The following TMC6 variants were observed in gnomAD, a reference collection of about 807,000 sequenced individuals.
The protein encoded by TMC6 is transmembrane channel like 6, also known as transmembrane channel-like protein 6.
TMC6 carries 71 observed loss-of-function variants against 95.4 expected under a neutral mutation model. The observed-to-expected ratio is 0.74, with a 90% CI of 0.61 to 0.91. TMC6 has a LOEUF of 0.91. TMC6 is among the 40% of genes least tolerant of loss of function. The pLI is 0.00. For missense variants in TMC6, 1,074 were observed against 1,079.1 expected, an observed-to-expected ratio of 1.00 and a Z score of 0.07; for synonymous variants, 514 against 483.1, an observed-to-expected ratio of 1.06 and a Z score of -0.84.
rs1338679205 is a variant in TMC6, at chr17:78,128,179, C to T, written c.-75+433G>A. Among the ~76,000 whole-genome samples, 1 of 152,150 alleles carries T rather than the reference C, an allele frequency of 6.6e-6. No individual in the cohort carries two copies. Among genetic ancestry groups the T allele is most frequent in the African/African-American group, 2.4e-5 (1 of 41,428 alleles). ...GCTGGGTGGCGCCCGTTTCCAGGAA[C>T]CCCCACCCCAGCCGGCAGCGAGCTT... is the stretch of plus-strand genomic sequence containing the variant. On this transcript the variant is annotated intron_variant, in intron 1 of 19. Transcript: ENST00000590602. This position sits in a 1 kb window ranked among gnomAD's most constrained non-coding sequence, Gnocchi z 4.0.
At position 78,108,378 on chromosome 17, in the gene TMC6, G is replaced by T. The variant is rs2073746225; in HGVS notation, c.*4770C>A. 1 of 154,872 alleles carries T rather than the reference G, an allele frequency of 6.5e-6. No individual in the cohort carries two copies. The highest frequency in any genetic ancestry group is 2.0e-4 in the South Asian group (1 of 4,932). 9.6% of individuals were successfully genotyped at this position (154,872 alleles called of 1,614,324 possible). On this transcript the variant is annotated 3_prime_UTR_variant, in exon 20 of 20. Coordinates refer to ENST00000590602, the MANE Select transcript of TMC6 (RefSeq NM_001127198.5). Reference sequence around the variant, plus strand: ...AATTAAAGACCAGAAAAAGAAGGAAGCTGGGAATGAAACTCAAAATGCACT... The same window carrying T: ...AATTAAAGACCAGAAAAAGAAGGAATCTGGGAATGAAACTCAAAATGCACT...
Position 78,122,197 on chromosome 17 carries a change from G to A in TMC6, c.1227+408C>T, listed in dbSNP as rs529484527. Among the ~76,000 whole-genome samples the A allele has an allele frequency of 2.0e-5, 3 of 152,240 alleles. No homozygotes were observed. The highest frequency in any genetic ancestry group is 2.0e-4 in the Admixed American group (3 of 15,302). ...TCCTGGCCCCGCAACCTCTACGAGGGCCTCGGCCTCTATGCCTCAGTCTCC... is the reference window on the plus strand; with the variant it reads ...TCCTGGCCCCGCAACCTCTACGAGGACCTCGGCCTCTATGCCTCAGTCTCC... On this transcript the variant is annotated intron_variant, in intron 10 of 19. Coordinates refer to ENST00000590602, the MANE Select transcript of TMC6 (RefSeq NM_001127198.5). This position sits in a 1 kb window ranked among gnomAD's most constrained non-coding sequence, Gnocchi z 4.9.
chr17:78,119,001 G>A lies in TMC6; in HGVS notation c.1857C>T (p.Ile619=), dbSNP rs1567988625. 2 of 1,605,728 alleles carry A rather than the reference G, an allele frequency of 1.2e-6. No individual in the cohort carries two copies. Among genetic ancestry groups the A allele is most frequent in the Non-Finnish European group, 8.5e-7 (1 of 1,176,454 alleles). The change falls in exon 15 of 20, where the codon ATC becomes ATT. Residue 619 remains isoleucine (I), a synonymous_variant. Transcript: ENST00000590602. ...FSPLLPAVQI[I]KLLLVFYVKK... Reference sequence around the variant, plus strand: ...TGACATAGAAGACGAGCAGCAGCTTGATGATCTGCACGGCGGGGAGGAGGG... The same window carrying A: ...TGACATAGAAGACGAGCAGCAGCTTAATGATCTGCACGGCGGGGAGGAGGG...
rs2073785423 is a variant in TMC6, at chr17:78,109,645, A to G, written c.*3503T>C. ...CCCCATCTCAAAAAAGCAGAAGCAC[A>G]TTTCCGAAGCCCCCCAAGCCCACGG... On this transcript the variant is annotated 3_prime_UTR_variant, in exon 20 of 20. Coordinates refer to ENST00000590602, the MANE Select transcript of TMC6 (RefSeq NM_001127198.5). 1 of 437,310 alleles carries G rather than the reference A, an allele frequency of 2.3e-6. No individual in the cohort carries two copies. The highest frequency in any genetic ancestry group is 4.6e-6 in the Non-Finnish European group (1 of 216,610). 27.1% of individuals were successfully genotyped at this position (437,310 alleles called of 1,614,324 possible).
rs370443724 is a variant in TMC6 at position 78,124,150 on chromosome 17, G to A, written c.921C>T (p.Tyr307=). The change falls in exon 9 of 20, where the codon TAC becomes TAT. Residue 307 remains tyrosine, a synonymous_variant. Coordinates refer to ENST00000590602, the MANE Select transcript of TMC6 (RefSeq NM_001127198.5). The part of the protein sequence containing the change: ...AGCFTHTVMY[Y]GHYSNATLNQ... ...TCAGCGTGGCGTTACTGTAGTGGCC[G>A]TAGTACATGACGGTGTGGGTGAAGC... 4.0e-5 allele frequency: 65 copies of A among 1,612,328 alleles called. No individual in the cohort carries two copies. Among genetic ancestry groups the A allele is most frequent in the African/African-American group, 1.1e-4 (8 of 75,008 alleles).
rs2073857627 is a variant in TMC6, at chr17:78,112,730, TG to T, written c.*417del. On this transcript the variant is annotated 3_prime_UTR_variant, in exon 20 of 20. Transcript: ENST00000590602. ...GCCCCTCCTGGGCGCGAGTTCAGGC[TG>T]GTCAAAGGCAGCAAGCGAATCAAGC... The T allele has an allele frequency of 3.8e-6, 1 of 264,174 alleles. No individual in the cohort carries two copies. The highest frequency in any genetic ancestry group is 5.0e-5 in the Admixed American group (1 of 19,990). 16.4% of individuals were successfully genotyped at this position (264,174 alleles called of 1,614,324 possible).
rs757202985 is a variant in TMC6, at chr17:78,125,268, G to A, written c.431-5C>T. ...TCACCAGGAGGCTCTGCTTCTCTGC[G>A]AGAGGGAGAGGGAGGTCCTGCCCAT... On this transcript the variant is annotated splice_region_variant and splice_polypyrimidine_tract_variant and intron_variant, in intron 5 of 19. Transcript: ENST00000590602. 64 of 1,558,256 alleles carry A rather than the reference G, an allele frequency of 4.1e-5. No homozygotes were observed. The highest frequency in any genetic ancestry group is 1.7e-4 in the East Asian group (7 of 41,884).
chr17:78,113,157 C>T lies in TMC6; in HGVS notation c.2409G>A (p.Gln803=). The T allele has an allele frequency of 6.4e-7, 1 of 1,555,718 alleles. No homozygotes were observed. Among genetic ancestry groups the T allele is most frequent in the Non-Finnish European group, 8.7e-7 (1 of 1,149,030 alleles). ...GCCCATCGCCGTCCCCCTAGGCATC[C>T]TGTTCATCTGTGAGCAGGGCAGGGG... ...AAPPALLTDE[Q]DA The change falls in exon 20 of 20, where the codon CAG becomes CAA. Residue 803 remains glutamine (Q), a synonymous_variant. Transcript: ENST00000590602.
rs968942596 is a variant in TMC6 at position 78,109,364 on chromosome 17, A to G, written c.*3784T>C. The G allele has an allele frequency of 2.3e-6, 1 of 441,386 alleles. No individual in the cohort carries two copies. Among genetic ancestry groups the G allele is most frequent in the Non-Finnish European group, 4.6e-6 (1 of 218,930 alleles). The allele number at this position is 441,386 out of a possible 1,614,324, so 27.3% of individuals were successfully genotyped here. A position where few individuals can be genotyped will look rare whatever the true frequency, so the allele number is the denominator to read the frequency against. ...GTCTACGGATGGACCAAGAAAACCT[A>G]CGCAGGATCCACGTGGAAACAAAGC... On this transcript the variant is annotated 3_prime_UTR_variant, in exon 20 of 20. Transcript: ENST00000590602.
In TMC6 at chr17:78,124,645, G is replaced by A. The variant is rs747372233; in HGVS notation, c.770C>T (p.Ala257Val). 6.2e-6 allele frequency: 10 copies of A among 1,611,846 alleles called. No homozygotes were observed. The highest frequency in any genetic ancestry group is 7.6e-6 in the Non-Finnish European group (9 of 1,179,562). ...SYFLFLKTLL[A>V]FNALLLLLLV... Reference sequence around the variant, plus strand: ...CAGCAGCAGCAGGAGGGCATTGAAAGCCAGCAGGGTCTTGAGAAAGAGGAA... The same window carrying A: ...CAGCAGCAGCAGGAGGGCATTGAAAACCAGCAGGGTCTTGAGAAAGAGGAA... The change falls in exon 8 of 20, where the codon GCT becomes GTT. Residue 257 changes from alanine to valine, a missense_variant. Coordinates refer to ENST00000590602, the MANE Select transcript of TMC6 (RefSeq NM_001127198.5).
rs1044717533 is a variant in TMC6 at position 78,121,914 on chromosome 17, C to T, written c.1228-203G>A. ...CGCAGAGAGGACCCAGTCCCCCTGC[C>T]GAGAGGCCCCTGTGCCTGGGCTGGC... On this transcript the variant is annotated intron_variant, in intron 10 of 19. Transcript: ENST00000590602. The surrounding 1 kb of genome is among the most constrained non-coding windows in gnomAD (Gnocchi z 5.6). Among the ~76,000 whole-genome samples, 6 of 152,136 alleles carry T rather than the reference C, an allele frequency of 3.9e-5. No homozygotes were observed. The highest frequency in any genetic ancestry group is 9.7e-5 in the African/African-American group (4 of 41,432).
chr17:78,113,230 A>G lies in TMC6; in HGVS notation c.2355-19T>C. On this transcript the variant is annotated intron_variant, in intron 19 of 19. Coordinates refer to ENST00000590602, the MANE Select transcript of TMC6 (RefSeq NM_001127198.5). The stretch of plus-strand genomic sequence containing the variant: ...CCCAACCCTGCCAGAAAGAGACATC[A>G]CTGAGGGGACCCCATAAACATCAAC... 1 of 1,549,734 alleles carries G rather than the reference A, an allele frequency of 6.5e-7. No homozygotes were observed. The highest frequency in any genetic ancestry group is 8.7e-7 in the Non-Finnish European group (1 of 1,145,542).
chr17:78,117,938 G>A lies in TMC6; in HGVS notation c.1888-3C>T. 1 of 1,597,878 alleles carries A rather than the reference G, an allele frequency of 6.3e-7. No individual in the cohort carries two copies. Among genetic ancestry groups the A allele is most frequent in the Non-Finnish European group, 8.5e-7 (1 of 1,172,968 alleles). The stretch of plus-strand genomic sequence containing the variant: ...TGGCAGTTGGCCAGAAGGCTGGTCT[G>A]TGGGGAAAGGCTGCGCTCTGCCACC... On this transcript the variant is annotated splice_polypyrimidine_tract_variant and splice_region_variant and intron_variant, in intron 15 of 19. Coordinates refer to ENST00000590602, the MANE Select transcript of TMC6 (RefSeq NM_001127198.5).
At chr17:78,131,620 G>A (rs1265094561), upstream of TMC6, 1 of 1,550,838 alleles carries the variant, frequency 6.4e-7, no homozygotes, top group Non-Finnish European at 8.7e-7. Flanking sequence ...TCATCGGAGC[G>A]GGCCCCTGGG....
Position 78,121,379 on chromosome 17 carries a change from G to A in TMC6, c.1383+177C>T, listed in dbSNP as rs79697186. Among the ~76,000 whole-genome samples, 99 of 152,302 alleles carry A rather than the reference G, an allele frequency of 6.5e-4. No homozygotes were observed. The East Asian group carries it at 0.018, about 28-fold the overall frequency. ...AACCAAAAAATAAAACCGTGAGACA[G>A]GACAAGGGGCTGAGAAGTGGGGCTC... On this transcript the variant is annotated intron_variant, in intron 11 of 19. Transcript: ENST00000590602. This position sits in a 1 kb window ranked among gnomAD's most constrained non-coding sequence, Gnocchi z 5.6.
upstream of TMC6, chr17:78,131,321 T>G (rs566840582): frequency 4.7e-4 from 270 of 570,056 alleles, no homozygotes; most frequent in African/African-American, 4.6e-3. Flanking sequence ...CCTCTGAGAG[T>G]TGGAGCGGGG....
upstream of TMC6, among the ~76,000 whole-genome samples, chr17:78,129,852 T>G (rs2074913622): frequency 6.6e-6 from 1 of 152,172 alleles, no homozygotes; most frequent in African/African-American, 2.4e-5. The surrounding 1 kb of genome is among the most constrained non-coding windows in gnomAD (Gnocchi z 4.3). Flanking sequence ...GATTGAACCC[T>G]GGTGGAGCAC....
intron 16 of TMC6, 67 bp downstream of exon 16, chr17:78,117,734 GC>G (rs2074201802): frequency 1.3e-6 from 2 of 1,569,592 alleles, no homozygotes; most frequent in South Asian, 1.2e-5. Context: ...TAAGCCTTGG[GC>G]CCCCCAGGCA....
chr17:78,123,802 T>C (rs541336087), intron 9 of TMC6, among the ~76,000 whole-genome samples, 187 bp downstream of exon 9: 2 of 150,836 alleles, frequency 1.3e-5, no homozygotes, highest in East Asian at 3.9e-4. Context: ...AATGGGTGGA[T>C]GGGTGGGTAG....
Sources: allele counts gnomAD v4.1 joint callset (sites outside exome capture counted in the v4.1 genomes callset), GRCh38; gene constraint gnomAD v4.1.1; non-coding constraint Gnocchi (gnomAD v3.1); transcripts MANE v1.5; gene names NCBI Gene and HGNC (gene_info 2026-07-23, HGNC 2026-07-21).